HPSE2: variants seen among roughly 807,000 people sequenced by gnomAD.
HPSE2 encodes the protein inactive heparanase-2.
HPSE2 carries 38 observed loss-of-function variants against 60.5 expected under a neutral mutation model. The observed-to-expected ratio is 0.63, with a 90% confidence interval of 0.48 to 0.82. The LOEUF (loss-of-function observed/expected upper bound fraction) is 0.82, where lower values mean the gene tolerates loss of function less well. Ranked by LOEUF, HPSE2 falls within the 40% of genes least tolerant of loss-of-function variation. HPSE2 has a pLI of 0.00. For missense variants in HPSE2, 713 were observed against 740.4 expected (o/e 0.96, Z 0.43); for synonymous variants, 295 against 293.2 (o/e 1.01, Z -0.06).
rs772630696 is a variant in HPSE2 at position 99,144,231 on chromosome 10, G to C, written c.610+7C>G. The C allele has an allele frequency of 6.2e-7, 1 of 1,613,398 alleles. No homozygotes were observed. Among genetic ancestry groups the C allele is most frequent in the Non-Finnish European group, 8.5e-7 (1 of 1,179,832 alleles). On this transcript the variant is annotated splice_region_variant and intron_variant, in intron 3 of 11. Transcript: ENST00000370552. ...TCTAAGATTTCAACCAACTCCAATAGCCTTACCTGTTAATATGAGATTACT... is the reference window on the plus strand; with the variant it reads ...TCTAAGATTTCAACCAACTCCAATACCCTTACCTGTTAATATGAGATTACT...
At chr10:98,792,642 A>C (rs1270181138) in intron 3 of HPSE2, among the ~76,000 whole-genome samples, 7 of 8,224 alleles carry the variant, frequency 8.5e-4, no homozygotes, top group Non-Finnish European at 4.0e-4. Flanking sequence ...AATTCCTACA[A>C]AAAAAAAAAA....
chr10:99,129,863 A>G (rs1845313100), intron 3 of HPSE2, among the ~76,000 whole-genome samples: 1 of 151,998 alleles, frequency 6.6e-6, no homozygotes, highest in South Asian at 2.1e-4. Flanking sequence ...AGAGATAAAC[A>G]AAATTGATAC....
chr10:98,831,679 C>T (rs995852366), intron 3 of HPSE2, among the ~76,000 whole-genome samples: 1 of 152,140 alleles, frequency 6.6e-6, no homozygotes, highest in Non-Finnish European at 1.5e-5. Flanking sequence ...GCTAGAGTAC[C>T]TGCTAAAAAT....
At chr10:98,814,432 A>C (rs1951239088) in intron 3 of HPSE2, among the ~76,000 whole-genome samples, 1 of 152,126 alleles carries the variant, frequency 6.6e-6, no homozygotes. Context: ...ATTTTTATCA[A>C]ATTTGGAAAA....
chr10:98,917,574 G>C (rs1393560098), intron 3 of HPSE2, among the ~76,000 whole-genome samples: 1 of 152,116 alleles, frequency 6.6e-6, no homozygotes, highest in African/African-American at 2.4e-5. Context: ...ACCTTTAAAA[G>C]GAAAATAGTA....
chr10:99,160,193 T>C (rs995556383), intron 2 of HPSE2, among the ~76,000 whole-genome samples: 4 of 151,420 alleles, frequency 2.6e-5, no homozygotes, highest in African/African-American at 9.7e-5. Context: ...TAAAATTACA[T>C]ATATGATAAA....
intron 2 of HPSE2, among the ~76,000 whole-genome samples, chr10:99,193,952 T>G (rs1848307746): frequency 6.6e-6 from 1 of 152,074 alleles, no homozygotes; most frequent in African/African-American, 2.4e-5. Context: ...CTAATGAATA[T>G]TTCATCCAAG....
intron 9 of HPSE2, among the ~76,000 whole-genome samples, chr10:98,602,037 G>A (rs1430644375): frequency 2.6e-5 from 4 of 152,200 alleles, no homozygotes; most frequent in Admixed American, 2.0e-4. Flanking sequence ...GGCTTTGCAG[G>A]TCGGGTTGGG....
intron 4 of HPSE2, among the ~76,000 whole-genome samples, chr10:98,735,143 A>G (rs1230231486): frequency 1.3e-5 from 2 of 151,804 alleles, no homozygotes; most frequent in African/African-American, 4.8e-5. Context: ...AGTCTTGGAT[A>G]TATCTCTATC....
intron 3 of HPSE2, among the ~76,000 whole-genome samples, chr10:98,979,273 AG>A (rs1956155364): frequency 6.6e-6 from 1 of 152,148 alleles, no homozygotes; most frequent in Non-Finnish European, 1.5e-5. Flanking sequence ...ATCCAGAAAA[AG>A]AAAGAAGAAA....
chr10:98,897,188 G>A (rs1477933576), intron 3 of HPSE2, among the ~76,000 whole-genome samples: 1 of 152,112 alleles, frequency 6.6e-6, no homozygotes, highest in Non-Finnish European at 1.5e-5. Context: ...TTGAAGGGAA[G>A]GGTGGGATTA....
chr10:98,506,090 T>C (rs1356931857), intron 9 of HPSE2, among the ~76,000 whole-genome samples: 1 of 152,098 alleles, frequency 6.6e-6, no homozygotes, highest in Non-Finnish European at 1.5e-5. Context: ...ATAAGAAGAA[T>C]TTACCTTTTT....
intron 9 of HPSE2, among the ~76,000 whole-genome samples, chr10:98,540,683 C>T (rs1325676073): frequency 6.6e-6 from 1 of 152,156 alleles, no homozygotes; most frequent in East Asian, 1.9e-4. Context: ...ATAATGCTTG[C>T]TCTCTGGAAA....
At chr10:99,049,494 C>A (rs1267236970) in intron 3 of HPSE2, among the ~76,000 whole-genome samples, 1 of 151,900 alleles carries the variant, frequency 6.6e-6, no homozygotes, top group East Asian at 1.9e-4. Flanking sequence ...CAGACAAAGG[C>A]AAAGTAAACT....
chr10:98,467,934 G>A (rs1262892829), intron 11 of HPSE2, among the ~76,000 whole-genome samples: 16 of 152,222 alleles, frequency 1.1e-4, no homozygotes, highest in Admixed American at 1.0e-3. Context: ...GGGGTCCCAG[G>A]GCAGGTGCGG....
chr10:99,034,123 C>T (rs565719837), intron 3 of HPSE2, among the ~76,000 whole-genome samples: 2 of 152,082 alleles, frequency 1.3e-5, no homozygotes, highest in Non-Finnish European at 2.9e-5. Context: ...GTGGCACTTC[C>T]GTATAATAGA....
intron 3 of HPSE2, among the ~76,000 whole-genome samples, chr10:98,934,368 T>C (rs984686355): frequency 6.9e-6 from 1 of 144,386 alleles, no homozygotes; most frequent in Admixed American, 6.9e-5. Flanking sequence ...TCCTTCATAG[T>C]GTCATTGGTC....
At chr10:98,694,168 C>T (rs1398264894) in intron 5 of HPSE2, among the ~76,000 whole-genome samples, 2 of 152,144 alleles carry the variant, frequency 1.3e-5, no homozygotes, top group African/African-American at 2.4e-5. Flanking sequence ...ACATCCCTCA[C>T]CATCTGGAAA....
chr10:99,047,177 A>G (rs191439771), intron 3 of HPSE2, among the ~76,000 whole-genome samples: 1 of 152,292 alleles, frequency 6.6e-6, no homozygotes, highest in Non-Finnish European at 1.5e-5. Flanking sequence ...ACATATTTAC[A>G]ACCATCTGAT....
Sources: gnomAD v4.1 joint callset for allele counts (sites outside exome capture counted in the v4.1 genomes callset) on GRCh38, gnomAD v4.1.1 for gene constraint, MANE v1.5 for transcripts, NCBI Gene and HGNC (gene_info 2026-07-23, HGNC 2026-07-21) for gene names.